DNAH8: variants seen among roughly 807,000 people sequenced by gnomAD.
DNAH8 encodes the protein axonemal beta dynein heavy chain 8.
DNAH8 carries 382 observed loss-of-function variants against 562.1 expected under a neutral mutation model. The ratio of observed to expected loss-of-function variants is 0.68; its 90% confidence interval spans 0.63 to 0.74. The LOEUF is 0.74. DNAH8 is among the 30% of genes least tolerant of loss of function. DNAH8 has a pLI of 0.00. For synonymous variants in DNAH8, 1,881 were observed against 1,919.4 expected, an observed-to-expected ratio of 0.98 and a Z score of 0.52; for missense variants, 5,203 against 5,620.4, an observed-to-expected ratio of 0.93 and a Z score of 2.37.
At chr6:38,770,389 C>T in intron 11 of DNAH8, 24 bp from the exon 12 acceptor site, 1 of 1,486,174 alleles carries the variant, frequency 6.7e-7, no homozygotes, top group Non-Finnish European at 9.1e-7. Flanking sequence ...TTTCTTTTCC[C>T]TATTTCTTTT....
intron 33 of DNAH8, among the ~76,000 whole-genome samples, chr6:38,841,194 C>A (rs571158511): frequency 6.6e-6 from 1 of 151,894 alleles, no homozygotes; most frequent in Non-Finnish European, 1.5e-5. Flanking sequence ...TGAGGCGGGC[C>A]GATCACCTGA....
chr6:38,799,645 G>A (rs973634630), intron 21 of DNAH8, among the ~76,000 whole-genome samples: 1 of 152,114 alleles, frequency 6.6e-6, no homozygotes, highest in African/African-American at 2.4e-5. Context: ...CCCATTTAAA[G>A]TGTACATCTC....
intron 1 of DNAH8, among the ~76,000 whole-genome samples, chr6:38,720,603 G>T (rs75929781): frequency 0.052 from 7,915 of 152,204 alleles, 229 homozygotes; most frequent in East Asian, 0.071. Flanking sequence ...GACTCTCTAA[G>T]CAGACATATC....
chr6:39,026,932 G>A (rs1314432859), intron 92 of DNAH8, among the ~76,000 whole-genome samples: 2 of 152,146 alleles, frequency 1.3e-5, no homozygotes, highest in African/African-American at 4.8e-5. Context: ...TGCTAAAAAG[G>A]CTTTTTGGCC....
rs561823971 is a variant in DNAH8 at position 38,911,427 on chromosome 6, G to A, written c.9741-41G>A. On this transcript the variant is annotated intron_variant, in intron 65 of 92. Transcript: ENST00000327475. Reference sequence around the variant, plus strand: ...GAAAGGTGTCGTTTTATGGGAGTACGCACAATGATTGAAATGGTCCTTTTA... The same window carrying A: ...GAAAGGTGTCGTTTTATGGGAGTACACACAATGATTGAAATGGTCCTTTTA... 2.6e-4 allele frequency: 363 copies of A among 1,396,858 alleles called. 1 individual carries two copies. Among genetic ancestry groups the A allele is most frequent in the South Asian group, 1.9e-3 (161 of 86,624 alleles). The allele number at this position is 1,396,858 out of a possible 1,614,324, so 86.5% of individuals were successfully genotyped here.
chr6:38,773,475 C>G (rs1256241748), intron 12 of DNAH8, among the ~76,000 whole-genome samples: 1 of 152,138 alleles, frequency 6.6e-6, no homozygotes, highest in Non-Finnish European at 1.5e-5. Context: ...TGCACCCACT[C>G]TGGTCTCTGG....
At chr6:38,784,099 C>T (rs1461480764) in intron 17 of DNAH8, among the ~76,000 whole-genome samples, 1 of 152,122 alleles carries the variant, frequency 6.6e-6, no homozygotes, top group Non-Finnish European at 1.5e-5. Flanking sequence ...TGCCCCAACC[C>T]CCGCAGGGTG....
intron 62 of DNAH8, among the ~76,000 whole-genome samples, chr6:38,904,675 C>T (rs1195118756): frequency 6.6e-6 from 1 of 151,316 alleles, no homozygotes; most frequent in African/African-American, 2.4e-5. Context: ...GCCTGTAATC[C>T]CAGCTACTCA....
Position 39,012,465 on chromosome 6 carries a change from G to A in DNAH8, c.13542G>A (p.Leu4514=). 6.2e-7 allele frequency: 1 copy of A among 1,613,908 alleles called. No individual in the cohort carries two copies. The highest frequency in any genetic ancestry group is 8.5e-7 in the Non-Finnish European group (1 of 1,179,834). The change falls in exon 91 of 93, where the codon CTG becomes CTA. Residue 4514 remains leucine (L), a synonymous_variant. Coordinates refer to ENST00000327475, the MANE Select transcript of DNAH8 (RefSeq NM_001206927.2). ...IIMSENLRDA[L]DNMYDARIPQ... is the part of the protein sequence containing the mutation. ...TTCTCCAGAATCTGAGAGATGCTCT[G>A]GACAACATGTATGATGCTCGTATAC...
chr6:38,759,744 G>T (rs1766311536), intron 10 of DNAH8, among the ~76,000 whole-genome samples: 1 of 152,008 alleles, frequency 6.6e-6, no homozygotes, highest in South Asian at 2.1e-4. Context: ...CCCAGGTGTT[G>T]TCTGATCACT....
chr6:38,939,916 A>G (rs1453729837), intron 79 of DNAH8, among the ~76,000 whole-genome samples: 2 of 152,216 alleles, frequency 1.3e-5, no homozygotes, highest in African/African-American at 4.8e-5. Flanking sequence ...GAGAAAGGGA[A>G]CGAGTGGAGA....
chr6:38,824,814 C>T (rs867252756), intron 28 of DNAH8, among the ~76,000 whole-genome samples: 2 of 151,952 alleles, frequency 1.3e-5, no homozygotes, highest in Non-Finnish European at 2.9e-5. Context: ...ATTATTATAT[C>T]TACCAAGGAA....
intron 3 of DNAH8, among the ~76,000 whole-genome samples, chr6:38,724,951 A>C (rs2127567729): frequency 6.6e-6 from 1 of 152,174 alleles, no homozygotes; most frequent in East Asian, 1.9e-4. Flanking sequence ...GTCATCAAAC[A>C]TGGGCAAAAC....
At chr6:38,999,841 T>C (rs1345464307) in intron 88 of DNAH8, among the ~76,000 whole-genome samples, 1 of 151,392 alleles carries the variant, frequency 6.6e-6, no homozygotes, top group Non-Finnish European at 1.5e-5. Flanking sequence ...TATTATATAA[T>C]AGATATATAA....
intron 21 of DNAH8, among the ~76,000 whole-genome samples, chr6:38,793,202 G>A (rs1167443085): frequency 2.0e-5 from 3 of 152,104 alleles, no homozygotes; most frequent in Non-Finnish European, 4.4e-5. Flanking sequence ...CACCCAGCCT[G>A]GAGTGCAGTG....
chr6:38,802,550 C>A (rs1198782587), intron 21 of DNAH8, among the ~76,000 whole-genome samples: 1 of 152,194 alleles, frequency 6.6e-6, no homozygotes, highest in Non-Finnish European at 1.5e-5. Flanking sequence ...TTTAGAAAGA[C>A]AAAGTGCAGG....
At chr6:38,883,737 C>A in intron 55 of DNAH8, 139 bp from the exon 56 acceptor site, 1 of 703,334 alleles carries the variant, frequency 1.4e-6, no homozygotes, top group Non-Finnish European at 2.0e-6. Context: ...AAAAATTTAA[C>A]AACATATATT....
chr6:38,921,765 G>A (rs968578307), intron 71 of DNAH8, among the ~76,000 whole-genome samples: 8 of 152,160 alleles, frequency 5.3e-5, no homozygotes, highest in Non-Finnish European at 8.8e-5. Flanking sequence ...GCTTTCACGC[G>A]CGTCCATGTG....
rs1772029855 is a variant in DNAH8, at chr6:38,814,043, T to C, written c.3258-11T>C. 1.2e-5 allele frequency: 19 copies of C among 1,568,314 alleles called. No individual in the cohort carries two copies. Among genetic ancestry groups the C allele is most frequent in the Non-Finnish European group, 1.4e-5 (16 of 1,141,716 alleles). ...GTAAGGTTCATCAGCTAAATGTCCATCTCATTGCAGCCTTTATGGGCGAAA... is the reference window on the plus strand; with the variant it reads ...GTAAGGTTCATCAGCTAAATGTCCACCTCATTGCAGCCTTTATGGGCGAAA... On this transcript the variant is annotated splice_polypyrimidine_tract_variant and intron_variant, in intron 24 of 92. Coordinates refer to ENST00000327475, the MANE Select transcript of DNAH8 (RefSeq NM_001206927.2).
Sources: gnomAD v4.1 joint callset for allele counts (sites outside exome capture counted in the v4.1 genomes callset) on GRCh38, gnomAD v4.1.1 for gene constraint, MANE v1.5 for transcripts, NCBI Gene and HGNC (gene_info 2026-07-23, HGNC 2026-07-21) for gene names.